Variants in SNX24 observed in about 807,000 individuals in gnomAD.
SNX24 encodes the protein sorting nexin 24.
SNX24 carries 22 observed loss-of-function variants against 28.7 expected under a neutral mutation model. The observed-to-expected ratio is 0.77, with a 90% CI of 0.55 to 1.10. SNX24 has a LOEUF of 1.10. Among genes scored for constraint, SNX24 ranks in the 50% least tolerant of loss-of-function variants. The pLI, the probability that SNX24 is intolerant of heterozygous loss-of-function variation, is 0.00. For synonymous variants in SNX24, 69 were observed against 71.5 expected, an observed-to-expected ratio of 0.96 and a Z score of 0.18; for missense variants, 221 against 201.1, an observed-to-expected ratio of 1.10 and a Z score of -0.60.
At chr5:122,882,505 G>A (rs912122042) in intron 1 of SNX24, among the ~76,000 whole-genome samples, 4 of 152,212 alleles carry the variant, frequency 2.6e-5, no homozygotes, top group Non-Finnish European at 5.9e-5. Context: ...AGCCCTCTAG[G>A]CCTTCCGGCC....
intron 1 of SNX24, among the ~76,000 whole-genome samples, chr5:122,869,860 C>G (rs1428062883): frequency 1.3e-5 from 2 of 150,060 alleles, no homozygotes; most frequent in Admixed American, 1.3e-4. Flanking sequence ...TAGTACAGAA[C>G]TACTTTATCA....
intron 1 of SNX24, among the ~76,000 whole-genome samples, chr5:122,902,268 C>A (rs1361495547): frequency 1.4e-4 from 22 of 152,220 alleles, no homozygotes; most frequent in Admixed American, 1.3e-3. Flanking sequence ...GCCTGAAGGT[C>A]AGACTTGTAG....
intron 3 of SNX24, among the ~76,000 whole-genome samples, chr5:122,951,304 A>G (rs899008768): frequency 5.3e-5 from 8 of 151,232 alleles, no homozygotes; most frequent in African/African-American, 1.7e-4. Context: ...GAAAATTTAA[A>G]GTCATAAATC....
chr5:122,865,116 A>C (rs990034342), intron 1 of SNX24, among the ~76,000 whole-genome samples: 6 of 152,376 alleles, frequency 3.9e-5, no homozygotes, highest in African/African-American at 1.4e-4. Context: ...TGGGTAGAGC[A>C]GGTTCTGAAG....
chr5:122,928,610 AG>A (rs1272018237), intron 1 of SNX24, among the ~76,000 whole-genome samples: 1 of 151,994 alleles, frequency 6.6e-6, no homozygotes, highest in Non-Finnish European at 1.5e-5. Context: ...GGAAACAGCT[AG>A]CAAAAAGGTG....
At chr5:122,970,338 C>A (rs928670576) in intron 3 of SNX24, among the ~76,000 whole-genome samples, 1 of 151,878 alleles carries the variant, frequency 6.6e-6, no homozygotes, top group Non-Finnish European at 1.5e-5. Context: ...GTTTAGAATG[C>A]GGCATACTCT....
intron 1 of SNX24, among the ~76,000 whole-genome samples, chr5:122,852,890 C>T (rs1754986579): frequency 6.6e-6 from 1 of 152,128 alleles, no homozygotes; most frequent in Non-Finnish European, 1.5e-5. Flanking sequence ...GTCACCAAAC[C>T]CCTCAGGCAT....
intron 6 of SNX24, among the ~76,000 whole-genome samples, chr5:123,006,986 T>C (rs1762443311): frequency 6.6e-6 from 1 of 152,204 alleles, no homozygotes; most frequent in South Asian, 2.1e-4. Context: ...AGTTTAAAAA[T>C]TAAACTTCTG....
chr5:123,009,481 A>G (rs1282863518), downstream of SNX24, among the ~76,000 whole-genome samples: 1 of 152,224 alleles, frequency 6.6e-6, no homozygotes, highest in African/African-American at 2.4e-5. Context: ...CTTTTCTGAG[A>G]ATTAAGTTTT....
chr5:122,907,105 C>A (rs1036634340), intron 1 of SNX24, among the ~76,000 whole-genome samples: 3 of 152,194 alleles, frequency 2.0e-5, no homozygotes, highest in African/African-American at 7.2e-5. Context: ...CTAAAAAATT[C>A]TCCAAGAACT....
At chr5:123,028,381 GC>G (rs1337724872) in intron 5 of SNX24, 1 of 166,820 alleles carries the variant, frequency 6.0e-6, no homozygotes, top group Non-Finnish European at 1.3e-5. Flanking sequence ...CTGGCATGAG[GC>G]CCGTCTTCCT....
At chr5:122,940,314 C>T (rs543102735) in intron 2 of SNX24, among the ~76,000 whole-genome samples, 3 of 152,042 alleles carry the variant, frequency 2.0e-5, no homozygotes, top group African/African-American at 7.2e-5. Flanking sequence ...TTTTCTATTC[C>T]TACCATCCCA....
chr5:122,962,904 A>G (rs1203756745), intron 3 of SNX24, among the ~76,000 whole-genome samples: 1 of 152,164 alleles, frequency 6.6e-6, no homozygotes, highest in Non-Finnish European at 1.5e-5. Flanking sequence ...GACCTCACCT[A>G]GAGCCCCCTA....
intron 5 of SNX24, among the ~76,000 whole-genome samples, chr5:123,017,207 A>AT (rs1405936082): frequency 6.6e-6 from 1 of 151,926 alleles, no homozygotes; most frequent in Non-Finnish European, 1.5e-5. Flanking sequence ...CACCCAACAA[A>AT]TGGGGATTCG....
chr5:122,979,478 C>A (rs1195063562), intron 3 of SNX24, among the ~76,000 whole-genome samples: 2 of 151,954 alleles, frequency 1.3e-5, no homozygotes, highest in African/African-American at 2.4e-5. Flanking sequence ...ATGAGCCCAC[C>A]CCCAAATCCT....
chr5:122,893,160 TAA>T (rs113612912), intron 1 of SNX24, among the ~76,000 whole-genome samples: 23 of 144,904 alleles, frequency 1.6e-4, no homozygotes, highest in South Asian at 2.2e-4. Flanking sequence ...ACCCATGGCT[TAA>T]AAAAAAAAAA....
chr5:122,951,728 A>G (rs1418348121), intron 3 of SNX24, among the ~76,000 whole-genome samples: 2 of 152,204 alleles, frequency 1.3e-5, no homozygotes, highest in African/African-American at 4.8e-5. Context: ...CTTCGGGAAG[A>G]TAGGATGTGG....
At chr5:122,907,357 G>T (rs1757685231) in intron 1 of SNX24, among the ~76,000 whole-genome samples, 1 of 152,146 alleles carries the variant, frequency 6.6e-6, no homozygotes, top group South Asian at 2.1e-4. Context: ...AGTTGTGAAG[G>T]TAGTGTGGGA....
chr5:122,924,343 C>T (rs1015710656), intron 1 of SNX24, among the ~76,000 whole-genome samples: 7 of 152,176 alleles, frequency 4.6e-5, no homozygotes, highest in African/African-American at 2.4e-5. Context: ...TGAACACAAG[C>T]ACTGCAATAC....
Sources: gnomAD v4.1 joint callset for allele counts (sites outside exome capture counted in the v4.1 genomes callset) on GRCh38, gnomAD v4.1.1 for gene constraint, MANE v1.5 for transcripts, NCBI Gene and HGNC (gene_info 2026-07-23, HGNC 2026-07-21) for gene names.